WWOX: variants seen among roughly 807,000 people sequenced by gnomAD.
The protein encoded by WWOX is WW domain containing oxidoreductase.
In WWOX, 69 loss-of-function variants were observed where a neutral mutation model predicts 46.2. That is an observed-to-expected ratio of 1.49 (90% confidence interval 1.23 to 1.82). The LOEUF is 1.82. Ranked by LOEUF, WWOX falls within the 40% of genes most tolerant of loss-of-function variation. The pLI is 0.00. For missense variants in WWOX, 919 were observed against 542.6 expected (o/e 1.69, Z -6.89); for synonymous variants, 359 against 202.6 (o/e 1.77, Z -6.56).
At chr16:78,783,326 A>T (rs143615215) in intron 8 of WWOX, among the ~76,000 whole-genome samples, 1 of 152,332 alleles carries the variant, frequency 6.6e-6, no homozygotes, top group Admixed American at 6.5e-5. Flanking sequence ...TGCCATGGCC[A>T]GTGGAGACAG....
At chr16:78,700,899 G>C (rs1309503785) in intron 8 of WWOX, among the ~76,000 whole-genome samples, 1 of 152,154 alleles carries the variant, frequency 6.6e-6, no homozygotes, top group East Asian at 1.9e-4. Context: ...AAGGGCTATG[G>C]TGAAAATCAT....
intron 5 of WWOX, among the ~76,000 whole-genome samples, chr16:78,364,620 G>C (rs990566927): frequency 2.7e-5 from 4 of 149,064 alleles, no homozygotes; most frequent in African/African-American, 9.9e-5. Flanking sequence ...TGTTTGTCGT[G>C]ACTGCAGCTG....
intron 8 of WWOX, among the ~76,000 whole-genome samples, chr16:79,006,929 C>A (rs1405055698): frequency 6.6e-6 from 1 of 152,180 alleles, no homozygotes; most frequent in African/African-American, 2.4e-5. Context: ...TCATCTTCCT[C>A]TTTTAAGATC....
chr16:78,383,936 T>C (rs2082007477), intron 5 of WWOX, among the ~76,000 whole-genome samples: 1 of 152,160 alleles, frequency 6.6e-6, no homozygotes, highest in Non-Finnish European at 1.5e-5. Flanking sequence ...ATTTTCTTCT[T>C]ATTGATAGTG....
intron 8 of WWOX, among the ~76,000 whole-genome samples, chr16:78,985,334 G>C (rs377647947): frequency 6.6e-6 from 1 of 152,204 alleles, no homozygotes; most frequent in Non-Finnish European, 1.5e-5. Context: ...CCACCGGCAC[G>C]CAGGGTGTTG....
chr16:78,112,674 T>TG (rs1395957269), intron 3 of WWOX, among the ~76,000 whole-genome samples: 2 of 142,298 alleles, frequency 1.4e-5, no homozygotes, highest in Non-Finnish European at 3.1e-5. Context: ...ATGTTGAAAA[T>TG]GTTTTTTTTT....
At chr16:78,204,841 G>T (rs1212020476) in intron 5 of WWOX, among the ~76,000 whole-genome samples, 1 of 152,112 alleles carries the variant, frequency 6.6e-6, no homozygotes, top group East Asian at 1.9e-4. Context: ...AGACCCTGTT[G>T]ATTTTTATGT....
intron 5 of WWOX, among the ~76,000 whole-genome samples, chr16:78,305,484 G>A (rs984348700): frequency 1.3e-5 from 2 of 152,116 alleles, no homozygotes; most frequent in Admixed American, 6.5e-5. Context: ...TGATGGCAGG[G>A]ATATTTGGAA....
At chr16:78,192,543 C>G (rs1182853105) in intron 5 of WWOX, among the ~76,000 whole-genome samples, 1 of 151,094 alleles carries the variant, frequency 6.6e-6, no homozygotes, top group Non-Finnish European at 1.5e-5. Context: ...GGACCCATAT[C>G]CCTGGATTGT....
chr16:78,564,906 T>C (rs1378723186), intron 8 of WWOX, among the ~76,000 whole-genome samples: 1 of 152,222 alleles, frequency 6.6e-6, no homozygotes. Flanking sequence ...AGTTTTTATA[T>C]GCAGTTTGTA....
Position 78,115,120 on chromosome 16 carries a change from A to G in WWOX, c.375A>G (p.Lys125=). The change falls in exon 4 of 9, where the codon AAA becomes AAG. Residue 125 remains lysine, a synonymous_variant. Transcript: ENST00000566780. ...TCCAGGGCCGGGATTTCACTGGCAA[A>G]GTGGTTGTGGTCACTGGAGCTAATT... ...EILQGRDFTG[K]VVVVTGANSG... 1 of 1,614,224 alleles carries G rather than the reference A, an allele frequency of 6.2e-7. No individual in the cohort carries two copies. The highest frequency in any genetic ancestry group is 8.5e-7 in the Non-Finnish European group (1 of 1,180,032).
intron 6 of WWOX, among the ~76,000 whole-genome samples, chr16:78,396,692 C>G (rs2082295592): frequency 6.6e-6 from 1 of 152,192 alleles, no homozygotes; most frequent in African/African-American, 2.4e-5. Context: ...CATTCGTCGG[C>G]AAAGTTTTTC....
At chr16:78,715,542 G>A (rs2048541594) in intron 8 of WWOX, among the ~76,000 whole-genome samples, 1 of 151,238 alleles carries the variant, frequency 6.6e-6, no homozygotes, top group South Asian at 2.1e-4. Context: ...GGAGTGCAGT[G>A]GTGTGATCTT....
chr16:78,450,870 G>C (rs1334558236), intron 8 of WWOX, among the ~76,000 whole-genome samples: 1 of 152,104 alleles, frequency 6.6e-6, no homozygotes, highest in South Asian at 2.1e-4. Context: ...TATTTCAAAA[G>C]AATTAGGTTC....
At chr16:78,389,127 G>A (rs2082123684) in intron 6 of WWOX, among the ~76,000 whole-genome samples, 1 of 152,220 alleles carries the variant, frequency 6.6e-6, no homozygotes, top group East Asian at 1.9e-4. Flanking sequence ...ACATCCCCCA[G>A]CCAGCCAGAT....
chr16:78,124,196 T>G (rs1393882683), intron 4 of WWOX: 1 of 152,176 alleles, frequency 6.6e-6, no homozygotes, highest in Non-Finnish European at 1.5e-5. Context: ...CAACTTTTTC[T>G]CTTTTGAAAA....
At chr16:78,379,710 G>A (rs2081912524) in intron 5 of WWOX, among the ~76,000 whole-genome samples, 4 of 152,162 alleles carry the variant, frequency 2.6e-5, no homozygotes, top group Admixed American at 2.0e-4. Context: ...AATGGGATAG[G>A]AGAGCGAACT....
At chr16:78,365,696 T>C in intron 5 of WWOX, among the ~76,000 whole-genome samples, 1 of 152,170 alleles carries the variant, frequency 6.6e-6, no homozygotes, top group East Asian at 1.9e-4. Flanking sequence ...GTGGAAGAAA[T>C]AGCCTCATTA....
At chr16:78,435,738 G>T (rs1165483914) in intron 8 of WWOX, among the ~76,000 whole-genome samples, 1 of 152,106 alleles carries the variant, frequency 6.6e-6, no homozygotes, top group Non-Finnish European at 1.5e-5. Flanking sequence ...CCTGCTAATG[G>T]TGCTGATGGC....
Sources: allele counts gnomAD v4.1 joint callset (sites outside exome capture counted in the v4.1 genomes callset), GRCh38; gene constraint gnomAD v4.1.1; transcripts MANE v1.5; gene names NCBI Gene and HGNC (gene_info 2026-07-23, HGNC 2026-07-21).